TNC: variants seen among roughly 807,000 people sequenced by gnomAD.
TNC encodes the protein tenascin C.
A neutral mutation model predicts 202.4 loss-of-function variants in TNC; 109 were observed. That is an observed-to-expected ratio of 0.54 (90% CI 0.46 to 0.63). The LOEUF is 0.63. Ranked by LOEUF, TNC falls within the 30% of genes least tolerant of loss-of-function variation. The pLI is 0.00. For missense variants in TNC, 2,756 were observed against 2,833.3 expected (o/e 0.97, Z 0.62); for synonymous variants, 1,007 against 1,089.7 (o/e 0.92, Z 1.50).
chr9:115,111,399 C>CTCTTTTTTTTTTTTTTTTTTTTTT (rs1174066886), intron 1 of TNC, among the ~76,000 whole-genome samples: 1 of 71,344 alleles, frequency 1.4e-5, no homozygotes, highest in African/African-American at 6.0e-5. Flanking sequence ...CTCTCTCTCT[C>CTCTTTTTTTTTTTTTTTTTTTTTT]TTTTTTTTTT....
chr9:115,078,548 T>A lies in TNC; in HGVS notation c.2405-336A>T, dbSNP rs117483753. ...TTATTATTATTACTGTTCTCATAAGTTGAGGAAACATGCTTTGGGGATACT... is the reference window on the plus strand; with the variant it reads ...TTATTATTATTACTGTTCTCATAAGATGAGGAAACATGCTTTGGGGATACT... On this transcript the variant is annotated intron_variant, in intron 6 of 27. Transcript: ENST00000350763. Among the ~76,000 whole-genome samples the A allele has an allele frequency of 4.3e-3, 660 of 152,054 alleles. 5 individuals are homozygous for A. Among genetic ancestry groups the A allele is most frequent in the Non-Finnish European group, 7.9e-3 (537 of 67,990 alleles).
intron 1 of TNC, among the ~76,000 whole-genome samples, chr9:115,095,856 A>T (rs906155075): frequency 6.6e-6 from 1 of 151,460 alleles, no homozygotes; most frequent in African/African-American, 2.4e-5. Flanking sequence ...GTGTGTGTAT[A>T]TCTTTGATGG....
At chr9:115,075,541 C>T (rs567523199) in intron 9 of TNC, among the ~76,000 whole-genome samples, 1 of 152,242 alleles carries the variant, frequency 6.6e-6, no homozygotes, top group Admixed American at 6.5e-5. Context: ...AATCCCAGCA[C>T]TTTGGGAGGC....
chr9:115,090,521 T>C (rs1283122785), intron 2 of TNC, 41 bp downstream of exon 2: 2 of 1,474,008 alleles, frequency 1.4e-6, no homozygotes, highest in Non-Finnish European at 1.8e-6. Flanking sequence ...CATTTCTCCA[T>C]GTTTGCACAG....
rs1304070101 is a variant in TNC, at chr9:115,091,026, G to T, written c.-8C>A. On this transcript the variant is annotated 5_prime_UTR_variant, in exon 2 of 28. Transcript: ENST00000350763. ...CTGAGTCATGGCCCCCATGGTGGAG[G>T]TGGGTTTGGCTGGGTGCTGCTGGGG... 5.6e-6 allele frequency: 9 copies of T among 1,606,756 alleles called. No homozygotes were observed. The highest frequency in any genetic ancestry group is 7.6e-6 in the Non-Finnish European group (9 of 1,179,246).
At chr9:115,070,523 G>A (rs1008074702) in intron 10 of TNC, among the ~76,000 whole-genome samples, 5 of 152,226 alleles carry the variant, frequency 3.3e-5, no homozygotes, top group African/African-American at 4.8e-5. Context: ...GTCTTTGGGC[G>A]AGAGGTGTGA....
intron 24 of TNC, 93 bp from the exon 25 acceptor site, chr9:115,029,549 G>A: frequency 1.6e-6 from 2 of 1,246,862 alleles, no homozygotes; most frequent in Non-Finnish European, 2.3e-6. Context: ...TGTGGAGAGA[G>A]CATCAGGCTC....
chr9:115,112,326 C>T (rs117975733), intron 1 of TNC, among the ~76,000 whole-genome samples: 1 of 152,080 alleles, frequency 6.6e-6, no homozygotes, highest in Admixed American at 6.5e-5. Context: ...CCTAGGCCAG[C>T]AATTTACAAA....
At chr9:115,050,093 G>A (rs980844601) in intron 15 of TNC, among the ~76,000 whole-genome samples, 2 of 152,098 alleles carry the variant, frequency 1.3e-5, no homozygotes, top group African/African-American at 2.4e-5. Context: ...CTCGAATTCT[G>A]TTCCTGGATT....
chr9:115,020,641 A>C lies in TNC; in HGVS notation c.*516T>G. ...AAAATCCTTAGTTTTCATCATCATCATCATCATTATTATATTAATAATATT... is the reference window on the plus strand; with the variant it reads ...AAAATCCTTAGTTTTCATCATCATCCTCATCATTATTATATTAATAATATT... On this transcript the variant is annotated 3_prime_UTR_variant, in exon 28 of 28. Coordinates refer to ENST00000350763, the MANE Select transcript of TNC (RefSeq NM_002160.4). 2 of 364,960 alleles carry C rather than the reference A, an allele frequency of 5.5e-6. No individual in the cohort carries two copies. Among genetic ancestry groups the C allele is most frequent in the Non-Finnish European group, 1.1e-5 (2 of 184,226 alleles). The allele number at this position is 364,960 out of a possible 1,614,324, so 22.6% of individuals were successfully genotyped here.
intron 1 of TNC, among the ~76,000 whole-genome samples, chr9:115,097,946 G>A (rs1835920406): frequency 6.6e-6 from 1 of 152,200 alleles, no homozygotes; most frequent in Non-Finnish European, 1.5e-5. Context: ...GTAAGGCTAG[G>A]TGCCTAACTG....
intron 22 of TNC, among the ~76,000 whole-genome samples, chr9:115,034,459 C>T (rs920622618): frequency 6.6e-6 from 1 of 152,182 alleles, no homozygotes; most frequent in Non-Finnish European, 1.5e-5. Flanking sequence ...CAAACCAAAC[C>T]AAACTCAACA....
At chr9:115,041,311 G>T (rs78768361) in intron 18 of TNC, among the ~76,000 whole-genome samples, 2 of 146,430 alleles carry the variant, frequency 1.4e-5, no homozygotes, top group African/African-American at 2.6e-5. Flanking sequence ...AGGAGGGGCG[G>T]GGGAAAACAT....
At chr9:115,030,105 G>T in intron 24 of TNC, 149 bp downstream of exon 24, 1 of 740,094 alleles carries the variant, frequency 1.4e-6, no homozygotes, top group Non-Finnish European at 2.1e-6. Context: ...ATTCCTGAGT[G>T]CCTCTGTGTG....
rs1446071681 is a variant in TNC at position 115,090,591 on chromosome 9, C to T, written c.428G>A (p.Gly143Glu). The T allele has an allele frequency of 6.3e-7, 1 of 1,587,500 alleles. No homozygotes were observed. The highest frequency in any genetic ancestry group is 8.6e-7 in the Non-Finnish European group (1 of 1,165,668). Residue 143 changes from glycine (G) to glutamate (E), a missense_variant, in exon 2 of 28, where the codon GGA becomes GAA. By Grantham distance (98) the Gly-to-Glu change is moderately conservative. This residue lies in a region of TNC where 2,559 missense variants were observed against 2,546.0 expected (regional missense o/e 1.01). Transcript: ENST00000350763. ...VSSLREQCTA[G>E]AGCCLQPATG... ...GGCAGGCTGGAGACAGCAGCCTGCT[C>T]CTGCAGTACATTGCTCCCTCAGGGA...
chr9:115,044,355 TTCTCCTGGTCC>T (rs1466569424), intron 17 of TNC, among the ~76,000 whole-genome samples: 2 of 150,600 alleles, frequency 1.3e-5, no homozygotes, highest in Admixed American at 6.6e-5. Context: ...CTTTCCTGTC[TTCTCCTGGTCC>T]TGGAGCACAG....
At chr9:115,068,760 T>C (rs1588115311) in intron 10 of TNC, among the ~76,000 whole-genome samples, 1 of 152,238 alleles carries the variant, frequency 6.6e-6, no homozygotes, top group South Asian at 2.1e-4. Flanking sequence ...GCTTTTCAGA[T>C]GCTATTCCCT....
chr9:115,115,282 C>T (rs1435659004), intron 1 of TNC, among the ~76,000 whole-genome samples: 1 of 152,140 alleles, frequency 6.6e-6, no homozygotes, highest in Non-Finnish European at 1.5e-5. Flanking sequence ...CCTGGAGGGG[C>T]ATATTTAGTC....
intron 15 of TNC, among the ~76,000 whole-genome samples, chr9:115,053,685 A>G (rs1831880489): frequency 3.9e-5 from 6 of 152,200 alleles, no homozygotes; most frequent in Admixed American, 3.9e-4. Context: ...TTTAGTATCT[A>G]CTGTTTGCAC....
Sources: allele counts gnomAD v4.1 joint callset (sites outside exome capture counted in the v4.1 genomes callset), GRCh38; gene constraint gnomAD v4.1.1; regional missense constraint gnomAD v4.1.1; transcripts MANE v1.5; gene names NCBI Gene and HGNC (gene_info 2026-07-23, HGNC 2026-07-21).